The following WASHC5 variants were observed in gnomAD, a reference collection of about 807,000 sequenced individuals.
The protein encoded by WASHC5 is WASH complex subunit strumpellin.
A neutral mutation model predicts 150.4 loss-of-function variants in WASHC5; 101 were observed. The observed-to-expected ratio is 0.67, with a 90% CI of 0.57 to 0.79. The LOEUF (loss-of-function observed/expected upper bound fraction) is 0.79, where lower values mean the gene tolerates loss of function less well. WASHC5 is among the 30% of genes least tolerant of loss of function. The pLI is 0.00. For synonymous variants in WASHC5, 467 were observed against 491.2 expected (o/e 0.95, Z 0.65); for missense variants, 1,195 against 1,396.3 (o/e 0.86, Z 2.30).
Position 125,081,761 on chromosome 8 carries a change from A to G in WASHC5, c.418T>C (p.Cys140Arg), listed in dbSNP as rs369064847. The change falls in exon 5 of 29, where the codon TGT becomes CGT. Residue 140 changes from cysteine (C) to arginine (R), a missense_variant and splice_region_variant. Transcript: ENST00000318410. ...LLNEDGKQLL[C>R]EALYLYGVML... ...ACTCCATATAAGTACAGTGCTTCAC[A>G]CTAAGAAGAGAAGAGGACAAAAGCC... 4 of 1,589,656 alleles carry G rather than the reference A, an allele frequency of 2.5e-6. No individual in the cohort carries two copies. The highest frequency in any genetic ancestry group is 3.5e-6 in the Non-Finnish European group (4 of 1,158,086).
At chr8:125,048,016 C>T (rs542326770) in intron 19 of WASHC5, among the ~76,000 whole-genome samples, 2 of 152,268 alleles carry the variant, frequency 1.3e-5, no homozygotes, top group Non-Finnish European at 2.9e-5. Flanking sequence ...TGGCCTGTTT[C>T]TTGGTTTTGA....
intron 23 of WASHC5, among the ~76,000 whole-genome samples, chr8:125,041,654 G>C (rs919759687): frequency 4.6e-5 from 7 of 151,636 alleles, no homozygotes; most frequent in African/African-American, 1.7e-4. Context: ...AAAAAGAAAA[G>C]GAGGGTGGCC....
intron 23 of WASHC5, among the ~76,000 whole-genome samples, chr8:125,041,887 G>C (rs1296455579): frequency 6.6e-6 from 1 of 152,116 alleles, no homozygotes; most frequent in East Asian, 1.9e-4. Flanking sequence ...CAAGAAAATA[G>C]TAGGTTCTTT....
intron 27 of WASHC5, among the ~76,000 whole-genome samples, chr8:125,031,144 G>A (rs952853458): frequency 4.2e-4 from 64 of 152,214 alleles, no homozygotes; most frequent in African/African-American, 1.5e-3. Flanking sequence ...AGCAGTGGCT[G>A]CATGACTACC....
At chr8:125,032,738 A>G in intron 26 of WASHC5, 1 of 333,712 alleles carries the variant, frequency 3.0e-6, no homozygotes, top group Non-Finnish European at 5.8e-6. Flanking sequence ...ACTTCTGTTA[A>G]CGGCAGCATG....
In WASHC5 at chr8:125,083,970, T is replaced by A; in HGVS notation, c.-72A>T. ...ACTGGCCTCAGAGCTGGTGTCTGTA[T>A]ATTATTAGATGAAACCAGGTGTGCA... On this transcript the variant is annotated 5_prime_UTR_variant, in exon 2 of 29. Coordinates refer to ENST00000318410, the MANE Select transcript of WASHC5 (RefSeq NM_014846.4). 8 of 1,398,904 alleles carry A rather than the reference T, an allele frequency of 5.7e-6. No homozygotes were observed. Among genetic ancestry groups the A allele is most frequent in the Non-Finnish European group, 8.0e-6 (8 of 1,000,190 alleles). The allele number at this position is 1,398,904 out of a possible 1,614,324, so 86.7% of individuals were successfully genotyped here.
chr8:125,047,958 C>T (rs1470052316), intron 19 of WASHC5, among the ~76,000 whole-genome samples: 3 of 152,170 alleles, frequency 2.0e-5, no homozygotes, highest in African/African-American at 4.8e-5. Flanking sequence ...GCAATCCTCC[C>T]ACCTGAGCCT....
intron 6 of WASHC5, among the ~76,000 whole-genome samples, chr8:125,077,040 C>G (rs1817084639): frequency 1.3e-5 from 2 of 152,214 alleles, no homozygotes; most frequent in Admixed American, 1.3e-4. Flanking sequence ...ATACCACTCT[C>G]TCTTCTCAAT....
intron 11 of WASHC5, among the ~76,000 whole-genome samples, chr8:125,061,997 G>A (rs1263467860): frequency 6.6e-6 from 1 of 152,146 alleles, no homozygotes; most frequent in Non-Finnish European, 1.5e-5. Context: ...ACCTCACCAA[G>A]TTGATCCCCT....
At position 125,027,744 on chromosome 8, in the gene WASHC5, C is replaced by G. The variant is rs530657774; in HGVS notation, c.3423+876G>C. On this transcript the variant is annotated intron_variant, in intron 28 of 28. Coordinates refer to ENST00000318410, the MANE Select transcript of WASHC5 (RefSeq NM_014846.4). ...AACTTACTCATGTAACCAAATACCA[C>G]CTGTATCCCAATAACTTATGGAAAA... Among the ~76,000 whole-genome samples the G allele has an allele frequency of 1.0e-3, 158 of 152,286 alleles. 3 individuals carry two copies. In the Middle Eastern group the frequency reaches 0.027, roughly 26 times the overall value.
At position 125,076,330 on chromosome 8, in the gene WASHC5, A is replaced by G. The variant is rs1294307713; in HGVS notation, c.864+18T>C. On this transcript the variant is annotated intron_variant, in intron 7 of 28. Coordinates refer to ENST00000318410, the MANE Select transcript of WASHC5 (RefSeq NM_014846.4). ...TCTAACACATTTACTGTAGAGGAAA[A>G]AAATTAGCAATACTTGCCCAATTAT... is the stretch of plus-strand genomic sequence containing the variant. 1 of 1,613,010 alleles carries G rather than the reference A, an allele frequency of 6.2e-7. No individual in the cohort carries two copies. Among genetic ancestry groups the G allele is most frequent in the Non-Finnish European group, 8.5e-7 (1 of 1,179,138 alleles).
At chr8:125,072,259 C>T (rs1051123819) in intron 9 of WASHC5, among the ~76,000 whole-genome samples, 49 of 144,092 alleles carry the variant, frequency 3.4e-4, no homozygotes, top group Admixed American at 5.2e-4. Context: ...GAAGTTGTAT[C>T]GCTTGAGCCC....
intron 27 of WASHC5, among the ~76,000 whole-genome samples, chr8:125,031,948 G>C (rs1229861982): frequency 6.6e-6 from 1 of 152,140 alleles, no homozygotes; most frequent in Non-Finnish European, 1.5e-5. Flanking sequence ...ATCCAAGAGT[G>C]CAGAGGAACA....
Position 125,046,646 on chromosome 8 carries a change from A to G in WASHC5, c.2504+561T>C, listed in dbSNP as rs73346268. On this transcript the variant is annotated intron_variant, in intron 20 of 28. Coordinates refer to ENST00000318410, the MANE Select transcript of WASHC5 (RefSeq NM_014846.4). ...TAAAATGGGAATAAGAATAATGCCT[A>G]TAAGATTGCTGTAAATGGGTTAATG... 1.0e-3 allele frequency among the ~76,000 whole-genome samples: 157 copies of G among 152,356 alleles called. 2 individuals carry two copies. Among genetic ancestry groups the G allele is most frequent in the African/African-American group, 3.4e-3 (142 of 41,580 alleles).
intron 10 of WASHC5, among the ~76,000 whole-genome samples, chr8:125,066,369 A>G (rs1816744540): frequency 6.6e-6 from 1 of 152,168 alleles, no homozygotes; most frequent in African/African-American, 2.4e-5. Context: ...AACCATACTG[A>G]AGCAAGATGA....
chr8:125,028,491 C>T (rs997658650), intron 28 of WASHC5, 129 bp downstream of exon 28: 1 of 674,678 alleles, frequency 1.5e-6, no homozygotes, highest in Non-Finnish European at 2.7e-6. Context: ...GGGGGTAGAG[C>T]AGTGGCGAGA....
chr8:125,051,626 G>A (rs538809903), intron 17 of WASHC5, among the ~76,000 whole-genome samples: 7 of 152,330 alleles, frequency 4.6e-5, no homozygotes, highest in East Asian at 1.9e-4. Context: ...GGTGACTCAC[G>A]CCTGTAATCC....
In WASHC5 at chr8:125,047,274, G is replaced by A. The variant is rs751533647; in HGVS notation, c.2437C>T (p.Pro813Ser). The A allele has an allele frequency of 1.2e-6, 2 of 1,613,858 alleles. No individual in the cohort carries two copies. Among genetic ancestry groups the A allele is most frequent in the Non-Finnish European group, 1.7e-6 (2 of 1,179,896 alleles). ...ATAAACGTTACAGACTCATCCACAG[G>A]GGTAAACTTGGGTATTGGAATATGA... ...STHIPIPKFTPVDESVTFIGR... is the reference protein window; with the variant it reads ...STHIPIPKFTSVDESVTFIGR... Residue 813 changes from proline to serine, a missense_variant, in exon 20 of 29, where the codon CCT (proline) becomes TCT (serine). Around this residue, in one of 3 missense-constraint regions of WASHC5, gnomAD observed 997 missense variants for 1,168.1 expected, o/e 0.85. Coordinates refer to ENST00000318410, the MANE Select transcript of WASHC5 (RefSeq NM_014846.4).
chr8:125,041,918 C>G (rs956498552), intron 23 of WASHC5, among the ~76,000 whole-genome samples: 3 of 152,148 alleles, frequency 2.0e-5, no homozygotes, highest in African/African-American at 7.2e-5. Flanking sequence ...AAAAATGTCC[C>G]TGAAACCCTG....
Sources: allele counts gnomAD v4.1 joint callset (sites outside exome capture counted in the v4.1 genomes callset), GRCh38; gene constraint gnomAD v4.1.1; regional missense constraint gnomAD v4.1.1; transcripts MANE v1.5; gene names NCBI Gene and HGNC (gene_info 2026-07-23, HGNC 2026-07-21).